SPG7: variants seen among roughly 807,000 people sequenced by gnomAD.
The protein encoded by SPG7 is SPG7 matrix AAA peptidase subunit, paraplegin.
Under a neutral mutation model 81.9 loss-of-function variants are expected in SPG7, and 103 were observed. The observed-to-expected ratio is 1.26, with a 90% CI of 1.07 to 1.48. SPG7 has a LOEUF of 1.48. Ranked by LOEUF, SPG7 falls within the 40% of genes most tolerant of loss-of-function variation. The probability of loss-of-function intolerance (pLI) is 0.00; values close to 1 mark genes in which losing one functional copy is unlikely to be tolerated. For synonymous variants in SPG7, 534 were observed against 444.2 expected, an observed-to-expected ratio of 1.20 and a Z score of -2.54; for missense variants, 1,241 against 1,087.3, an observed-to-expected ratio of 1.14 and a Z score of -1.99.
intron 1 of SPG7, among the ~76,000 whole-genome samples, chr16:89,509,627 A>G (rs1445381978): frequency 6.6e-6 from 1 of 152,028 alleles, no homozygotes; most frequent in Non-Finnish European, 1.5e-5. Context: ...CTGGTTTGGT[A>G]CCTGGAAATG....
intron 4 of SPG7, among the ~76,000 whole-genome samples, chr16:89,524,523 A>C (rs184357311): frequency 4.8e-4 from 73 of 152,308 alleles, no homozygotes; most frequent in Admixed American, 1.7e-3. Flanking sequence ...GGCTCACTGC[A>C]ACATCTGCCT....
chr16:89,525,695 C>CG (rs1390492086), intron 4 of SPG7, among the ~76,000 whole-genome samples: 2 of 152,206 alleles, frequency 1.3e-5, no homozygotes, highest in Non-Finnish European at 2.9e-5. Flanking sequence ...GCCAGGGAGA[C>CG]GGACCTGTTG....
intron 1 of SPG7, chr16:89,509,061 T>C (rs1373769984): frequency 2.4e-6 from 1 of 422,282 alleles, no homozygotes; most frequent in Non-Finnish European, 4.8e-6. Flanking sequence ...TGCATTTTGC[T>C]GTTGTCATGT....
In SPG7 at chr16:89,537,829, G is replaced by A. The variant is rs560180626; in HGVS notation, c.1324+5193G>A. On this transcript the variant is annotated intron_variant, in intron 9 of 16. Transcript: ENST00000645818. Reference sequence around the variant, plus strand: ...CCTGGTCCTGGTCCCAGTGTGACCCGGGACACCCCTACCTTTGTCCTTAAT... The same window carrying A: ...CCTGGTCCTGGTCCCAGTGTGACCCAGGACACCCCTACCTTTGTCCTTAAT... 43 of 940,952 alleles carry A rather than the reference G, an allele frequency of 4.6e-5. No homozygotes were observed. In the African/African-American group the frequency reaches 6.0e-4, roughly 13 times the overall value. 58.3% of individuals were successfully genotyped at this position (940,952 alleles called of 1,614,324 possible).
Position 89,532,570 on chromosome 16 carries a change from A to G in SPG7, c.1258A>G (p.Thr420Ala), listed in dbSNP as rs1446641209. 6.2e-7 allele frequency: 1 copy of G among 1,613,656 alleles called. No homozygotes were observed. The highest frequency in any genetic ancestry group is 1.3e-5 in the African/African-American group (1 of 74,928). Residue 420 changes from threonine to alanine, a missense_variant, in exon 9 of 17, where the codon ACC becomes GCC. Thr to Ala is a moderately conservative substitution (Grantham distance 58, BLOSUM62 0). Coordinates refer to ENST00000645818, the MANE Select transcript of SPG7 (RefSeq NM_003119.4). ...CGCGGTGGGCAAGAAGCGCTCCACC[A>G]CCATGTCCGGCTTCTCCAACACGGA... is the stretch of plus-strand genomic sequence containing the variant. Reference protein sequence around the residue: ...IDAVGKKRSTTMSGFSNTEEE... With the variant: ...IDAVGKKRSTAMSGFSNTEEE...
intron 11 of SPG7, chr16:89,547,537 C>T (rs991893232): frequency 7.7e-5 from 17 of 222,222 alleles, no homozygotes; most frequent in Non-Finnish European, 1.3e-4. Context: ...GCCAGCTCCC[C>T]GTGCCTCTCT....
At chr16:89,546,191 A>T in intron 10 of SPG7, 1 of 301,110 alleles carries the variant, frequency 3.3e-6, no homozygotes, top group Non-Finnish European at 6.5e-6. Flanking sequence ...GGTTCAAGTG[A>T]TTGTCCCGCC....
chr16:89,524,042 A>T lies in SPG7; in HGVS notation c.413A>T (p.Tyr138Phe), dbSNP rs377268309. ...CGCCGTGAGCGGGACGACCAGATGT[A>T]CCGAGAGCGGCTGCGCACCTTGCTG... is the stretch of plus-strand genomic sequence containing the variant. ...RRRRERDDQM[Y>F]RERLRTLLVI... is the part of the protein sequence containing the mutation. The change falls in exon 4 of 17, where the codon TAC becomes TTC. Residue 138 changes from tyrosine (Y) to phenylalanine (F), a missense_variant. Transcript: ENST00000645818. 6.2e-7 allele frequency: 1 copy of T among 1,613,464 alleles called. No individual in the cohort carries two copies. Among genetic ancestry groups the T allele is most frequent in the Non-Finnish European group, 8.5e-7 (1 of 1,180,016 alleles).
intron 9 of SPG7, chr16:89,539,707 C>T (rs1417684323): frequency 6.6e-6 from 1 of 152,020 alleles, no homozygotes; most frequent in Non-Finnish European, 1.5e-5. Flanking sequence ...GCTGGGACCA[C>T]AGGTGTGTGC....
In SPG7 at chr16:89,512,845, G is replaced by C; in HGVS notation, c.287-103G>C. The C allele has an allele frequency of 2.4e-6, 3 of 1,262,102 alleles. No homozygotes were observed. In the Admixed American group the frequency reaches 5.2e-5, roughly 22 times the overall value. 78.2% of individuals were successfully genotyped at this position (1,262,102 alleles called of 1,614,324 possible). A position where few individuals can be genotyped will look rare whatever the true frequency, so the allele number is the denominator to read the frequency against. ...ATGGATATAAGTAGGTTTTTCAGAT[G>C]GTTTTTGTTTTGCTTTGGTTATTTA... On this transcript the variant is annotated intron_variant, in intron 2 of 16. Transcript: ENST00000645818.
chr16:89,556,316 AC>A (rs2058687150), intron 16 of SPG7: 1 of 378,182 alleles, frequency 2.6e-6, no homozygotes, highest in African/African-American at 2.1e-5. Flanking sequence ...AACAACAACA[AC>A]AACAAAAAAT....
rs1166774852 is a variant in SPG7, at chr16:89,552,990, C to T, written c.1791C>T (p.Thr597=). 14 of 1,613,926 alleles carry T rather than the reference C, an allele frequency of 8.7e-6. No individual in the cohort carries two copies. Among genetic ancestry groups the T allele is most frequent in the Non-Finnish European group, 1.2e-5 (14 of 1,179,890 alleles). Residue 597 remains threonine (T), a synonymous_variant, in exon 14 of 17, where the codon ACC becomes ACT. Transcript: ENST00000645818. ...TGACCTTGTGCCAGGTCTCCATAAC[C>T]CCTCGGACAAACGCCGCCCTGGGCT... ...HTEAVMKVSI[T]PRTNAALGFA... is the part of the protein sequence containing the mutation.
intron 13 of SPG7, chr16:89,551,987 C>T (rs2058638922): frequency 6.6e-6 from 1 of 152,156 alleles, no homozygotes; most frequent in African/African-American, 2.4e-5. Context: ...CAGTGTCCTG[C>T]CAGGAAAAGG....
rs2058111577 is a variant in SPG7, at chr16:89,517,285, G to GA, written c.376+4249dup. 6 of 139,826 alleles carry GA rather than the reference G, an allele frequency of 4.3e-5. 2 individuals carry two copies. Among genetic ancestry groups the GA allele is most frequent in the Non-Finnish European group, 6.4e-5 (4 of 62,798 alleles). 8.7% of individuals were successfully genotyped at this position (139,826 alleles called of 1,614,324 possible). On this transcript the variant is annotated intron_variant, in intron 3 of 16. Transcript: ENST00000645818. Reference sequence around the variant, plus strand: ...GCAGCCTCCGTTGTCATGGTTCCTGGAGGGAATGGCATGGCAGCCTCCGTT... The same window carrying GA: ...GCAGCCTCCGTTGTCATGGTTCCTGGAAGGGAATGGCATGGCAGCCTCCGTT...
Position 89,553,036 on chromosome 16 carries a change from G to A in SPG7, c.1837G>A (p.Asp613Asn). Residue 613 changes from aspartate (D) to asparagine (N), a missense_variant, in exon 14 of 17, where the codon GAC (aspartate) becomes AAC (asparagine). By Grantham distance (23) the Asp-to-Asn change is conservative. Coordinates refer to ENST00000645818, the MANE Select transcript of SPG7 (RefSeq NM_003119.4). ...GGGCTTTGCTCAGATGCTCCCCAGAGACCAGCACCTCTTCACCAAGGAGCA... is the reference window on the plus strand; with the variant it reads ...GGGCTTTGCTCAGATGCTCCCCAGAAACCAGCACCTCTTCACCAAGGAGCA... ...ALGFAQMLPR[D>N]QHLFTKEQLF... The A allele has an allele frequency of 6.2e-7, 1 of 1,614,060 alleles. No homozygotes were observed. Among genetic ancestry groups the A allele is most frequent in the Non-Finnish European group, 8.5e-7 (1 of 1,179,974 alleles).
intron 16 of SPG7, chr16:89,555,990 G>A (rs1043497760): frequency 2.5e-6 from 1 of 398,818 alleles, no homozygotes; most frequent in Non-Finnish European, 4.4e-6. Flanking sequence ...GCTGAAGCAG[G>A]CCTGCCTGTG....
At position 89,524,185 on chromosome 16, in the gene SPG7, G is replaced by A. The variant is rs1215054345; in HGVS notation, c.556G>A (p.Val186Met). Residue 186 changes from valine to methionine, a missense_variant, in exon 4 of 17, where the codon GTG (valine) becomes ATG (methionine). Transcript: ENST00000645818. ...GGGCGAGGTGCAGCGCGTCCAGGTG[G>A]TGCCTGAGAGCGACGTGGTGGAAGT... ...AKGEVQRVQVVPESDVVEVYL... is the reference protein window; with the variant it reads ...AKGEVQRVQVMPESDVVEVYL... 1 of 1,614,028 alleles carries A rather than the reference G, an allele frequency of 6.2e-7. No individual in the cohort carries two copies. The highest frequency in any genetic ancestry group is 8.5e-7 in the Non-Finnish European group (1 of 1,180,024).
chr16:89,548,678 G>A (rs536637936), intron 12 of SPG7: 3 of 338,412 alleles, frequency 8.9e-6, no homozygotes, highest in South Asian at 6.8e-5. Flanking sequence ...TCTGACTGCC[G>A]TTCCGTGGCT....
intron 9 of SPG7, 72 bp from the exon 10 acceptor site, chr16:89,544,576 G>A: frequency 6.3e-7 from 1 of 1,587,190 alleles, no homozygotes; most frequent in Non-Finnish European, 8.6e-7. Flanking sequence ...TGTCCTGAAG[G>A]GGAACCTGCA....
Sources: gnomAD v4.1 joint callset for allele counts (sites outside exome capture counted in the v4.1 genomes callset) on GRCh38, gnomAD v4.1.1 for gene constraint, MANE v1.5 for transcripts, NCBI Gene and HGNC (gene_info 2026-07-23, HGNC 2026-07-21) for gene names.